NOL10: variants seen among roughly 807,000 people sequenced by gnomAD.
The protein encoded by NOL10 is H_NH0074G24.1.
A neutral mutation model predicts 103.5 loss-of-function variants in NOL10; 58 were observed. That is an observed-to-expected ratio of 0.56 (90% CI 0.45 to 0.70). NOL10 has a LOEUF of 0.70. NOL10 is among the 30% of genes least tolerant of loss of function. NOL10 has a pLI of 0.00. For missense variants in NOL10, 763 were observed against 807.3 expected (o/e 0.95, Z 0.67); for synonymous variants, 287 against 282.5 (o/e 1.02, Z -0.16).
Position 10,681,148 on chromosome 2 carries a change from A to G in NOL10, c.211+823T>C, listed in dbSNP as rs190599378. ...ATGAAAGCTTATACCCACAAAACAG[A>G]CTTCTATACGATTGTTCATAGTGCT... is the stretch of plus-strand genomic sequence containing the variant. On this transcript the variant is annotated intron_variant, in intron 3 of 20. Transcript: ENST00000381685. Among the ~76,000 whole-genome samples the G allele has an allele frequency of 7.0e-4, 107 of 152,266 alleles. 1 individual carries two copies. The highest frequency in any genetic ancestry group is 2.5e-3 in the African/African-American group (103 of 41,548).
At chr2:10,654,617 G>C (rs563935379) in intron 11 of NOL10, 70 bp from the exon 12 acceptor site, 12 of 875,370 alleles carry the variant, frequency 1.4e-5, no homozygotes, top group African/African-American at 1.2e-4. Context: ...TCAAACTGAA[G>C]CTGTAACTCA....
At chr2:10,679,858 C>T (rs1011697766) in intron 3 of NOL10, among the ~76,000 whole-genome samples, 4 of 152,220 alleles carry the variant, frequency 2.6e-5, no homozygotes, top group African/African-American at 9.6e-5. Flanking sequence ...TGGCCTCATG[C>T]AATCTGACTG....
intron 5 of NOL10, among the ~76,000 whole-genome samples, chr2:10,672,886 A>G (rs931028153): frequency 6.6e-6 from 1 of 152,214 alleles, no homozygotes; most frequent in East Asian, 1.9e-4. Context: ...CCAGCTACTC[A>G]GGAGGCAGAG....
intron 8 of NOL10, among the ~76,000 whole-genome samples, chr2:10,663,951 CAA>C (rs76582435): frequency 1.0e-4 from 12 of 117,108 alleles, no homozygotes; most frequent in Admixed American, 1.7e-4. Context: ...ACTCCGTCTC[CAA>C]AAAAAAAAAA....
chr2:10,608,286 G>C (rs989397855), intron 13 of NOL10, among the ~76,000 whole-genome samples: 2 of 152,076 alleles, frequency 1.3e-5, no homozygotes, highest in African/African-American at 4.8e-5. Flanking sequence ...ACAAAAGGCT[G>C]AACAGAATTA....
chr2:10,667,736 G>A (rs1372108598), intron 7 of NOL10, among the ~76,000 whole-genome samples: 1 of 151,964 alleles, frequency 6.6e-6, no homozygotes, highest in Non-Finnish European at 1.5e-5. Context: ...GTTGTTATGG[G>A]GATTAAATGA....
At chr2:10,663,137 CG>C in intron 8 of NOL10, 93 bp from the exon 9 acceptor site, 1 of 931,776 alleles carries the variant, frequency 1.1e-6, no homozygotes. Flanking sequence ...GAGGCCGAGG[CG>C]GGCTGATCAC....
intron 13 of NOL10, among the ~76,000 whole-genome samples, chr2:10,618,003 C>G (rs533152637): frequency 6.7e-6 from 1 of 150,264 alleles, no homozygotes; most frequent in South Asian, 2.1e-4. Flanking sequence ...TTAGTGGCAA[C>G]CACTGCACAA....
chr2:10,588,840 T>C (rs893528919), intron 19 of NOL10, among the ~76,000 whole-genome samples: 1 of 152,188 alleles, frequency 6.6e-6, no homozygotes, highest in African/African-American at 2.4e-5. Flanking sequence ...TGTACTTCAA[T>C]AGCGACGCTC....
chr2:10,582,451 G>A (rs751224644), intron 19 of NOL10, among the ~76,000 whole-genome samples: 2 of 152,142 alleles, frequency 1.3e-5, no homozygotes, highest in East Asian at 1.9e-4. Context: ...CTACTGAAAC[G>A]TGGAGAGTTT....
rs1307684203 is a variant in NOL10, at chr2:10,595,587, TGTTTTGTTTTG to T, written c.1422+5255_1422+5265del. Among the ~76,000 whole-genome samples the T allele has an allele frequency of 1.4e-3, 208 of 144,908 alleles. 2 individuals carry two copies. Among genetic ancestry groups the T allele is most frequent in the African/African-American group, 4.9e-3 (194 of 39,996 alleles). ...TGATGGGATTACAGAAATGTTTTTT[TGTTTTGTTTTG>T]TTTTTGTTTGTTTGTTTGTTTTTTG... On this transcript the variant is annotated intron_variant, in intron 17 of 20. Transcript: ENST00000381685.
At chr2:10,612,242 A>G (rs954378846) in intron 13 of NOL10, among the ~76,000 whole-genome samples, 1 of 152,238 alleles carries the variant, frequency 6.6e-6, no homozygotes, top group Non-Finnish European at 1.5e-5. Context: ...GCTGAGACAG[A>G]AAAAAAGATT....
chr2:10,664,692 C>T (rs1018988724), intron 8 of NOL10, among the ~76,000 whole-genome samples: 1 of 152,140 alleles, frequency 6.6e-6, no homozygotes, highest in Non-Finnish European at 1.5e-5. Flanking sequence ...GTATGCACCA[C>T]GCCTGTCTAA....
intron 7 of NOL10, 132 bp from the exon 8 acceptor site, chr2:10,667,410 C>A: frequency 1.4e-6 from 1 of 700,666 alleles, no homozygotes; most frequent in Admixed American, 2.3e-5. Flanking sequence ...TCTTACTAAT[C>A]TGCAAATGGA....
At position 10,673,224 on chromosome 2, in the gene NOL10, G is replaced by A. The variant is rs1011023573; in HGVS notation, c.327+296C>T. The A allele has an allele frequency of 4.6e-5, 11 of 241,128 alleles. No individual in the cohort carries two copies. In the East Asian group the frequency reaches 7.2e-4, roughly 16 times the overall value. 14.9% of individuals were successfully genotyped at this position (241,128 alleles called of 1,614,324 possible). A position where few individuals can be genotyped will look rare whatever the true frequency, so the allele number is the denominator to read the frequency against. On this transcript the variant is annotated intron_variant, in intron 5 of 20. Coordinates refer to ENST00000381685, the MANE Select transcript of NOL10 (RefSeq NM_024894.4). The stretch of plus-strand genomic sequence containing the variant: ...ATCAGAATCACAAATCTAGAATACA[G>A]GATGATATAAAAGATGACTGCTGCC...
intron 8 of NOL10, 81 bp from the exon 9 acceptor site, chr2:10,663,125 G>C: frequency 8.9e-7 from 1 of 1,117,718 alleles, no homozygotes; most frequent in Non-Finnish European, 1.3e-6. Context: ...CCAGCACTTT[G>C]GGAGGCCGAG....
At chr2:10,664,761 C>T (rs1002092520) in intron 8 of NOL10, among the ~76,000 whole-genome samples, 2 of 152,164 alleles carry the variant, frequency 1.3e-5, no homozygotes, top group Non-Finnish European at 2.9e-5. Flanking sequence ...GTCTCGAACT[C>T]CTGGACTCAA....
chr2:10,689,292 G>A (rs958189670), intron 1 of NOL10, among the ~76,000 whole-genome samples: 1 of 152,166 alleles, frequency 6.6e-6, no homozygotes, highest in Non-Finnish European at 1.5e-5. Context: ...CTAGGAATCA[G>A]GTTAAGTTCA....
intron 13 of NOL10, among the ~76,000 whole-genome samples, chr2:10,612,113 A>G (rs1320122457): frequency 6.6e-6 from 1 of 152,062 alleles, no homozygotes; most frequent in African/African-American, 2.4e-5. Flanking sequence ...ACAGAGTGAG[A>G]CCCTGTCTCT....
Sources: allele counts gnomAD v4.1 joint callset (sites outside exome capture counted in the v4.1 genomes callset), GRCh38; gene constraint gnomAD v4.1.1; transcripts MANE v1.5; gene names NCBI Gene and HGNC (gene_info 2026-07-23, HGNC 2026-07-21).